LRRTM4: variants seen among roughly 807,000 people sequenced by gnomAD.
LRRTM4 encodes leucine-rich repeat transmembrane neuronal protein 4.
In LRRTM4, 25 loss-of-function variants were observed where a neutral mutation model predicts 47.6. The observed-to-expected ratio is 0.53, with a 90% CI of 0.38 to 0.73. The LOEUF (loss-of-function observed/expected upper bound fraction) is 0.73. LRRTM4 is among the 30% of genes least tolerant of loss of function. The pLI is 0.00. For synonymous variants in LRRTM4, 311 were observed against 269.5 expected, an observed-to-expected ratio of 1.15 and a Z score of -1.51; for missense variants, 638 against 713.4, an observed-to-expected ratio of 0.89 and a Z score of 1.20.
At chr2:77,013,563 A>AG (rs1329139507) in intron 3 of LRRTM4, among the ~76,000 whole-genome samples, 3 of 152,054 alleles carry the variant, frequency 2.0e-5, no homozygotes, top group African/African-American at 7.2e-5. Flanking sequence ...GAGATATCCT[A>AG]GATCTTCCAA....
intron 3 of LRRTM4, among the ~76,000 whole-genome samples, chr2:77,489,864 T>C (rs1028814424): frequency 6.6e-6 from 1 of 152,216 alleles, no homozygotes; most frequent in African/African-American, 2.4e-5. Flanking sequence ...AACTTTGGGT[T>C]CAGTCTTGCT....
chr2:76,924,224 A>AT (rs1486678859), intron 3 of LRRTM4, among the ~76,000 whole-genome samples: 1 of 152,096 alleles, frequency 6.6e-6, no homozygotes, highest in Non-Finnish European at 1.5e-5. Flanking sequence ...TAAAGCAAAA[A>AT]ATATATATAA....
chr2:77,389,008 A>G (rs1400357319), intron 3 of LRRTM4, among the ~76,000 whole-genome samples: 1 of 152,084 alleles, frequency 6.6e-6, no homozygotes, highest in South Asian at 2.1e-4. Flanking sequence ...GGATTCAGAA[A>G]GAGTTAGATG....
intron 3 of LRRTM4, among the ~76,000 whole-genome samples, chr2:76,972,412 C>CTTTTT (rs397869502): frequency 2.0e-4 from 19 of 95,248 alleles, no homozygotes; most frequent in East Asian, 6.4e-4. Flanking sequence ...TCATTGAACA[C>CTTTTT]TTTTTTTTTT....
intron 3 of LRRTM4, among the ~76,000 whole-genome samples, chr2:76,902,214 T>G (rs1467894282): frequency 6.6e-6 from 1 of 152,182 alleles, no homozygotes; most frequent in African/African-American, 2.4e-5. Flanking sequence ...CACTGTCTAT[T>G]TTTTACAGCA....
rs534505238 is a variant in LRRTM4 at position 76,896,345 on chromosome 2, A to G, written c.1552-147429T>C. Among the ~76,000 whole-genome samples, 27 of 152,220 alleles carry G rather than the reference A, an allele frequency of 1.8e-4. No homozygotes were observed. The South Asian group carries it at 2.9e-3, about 16-fold the overall frequency. ...TGCAATCAGGGCCAAAAAGTAAAAT[A>G]AGGTGAAAAAGTGCTTCAACTTGAG... On this transcript the variant is annotated intron_variant, in intron 3 of 3. Coordinates refer to ENST00000409884, the MANE Select transcript of LRRTM4 (RefSeq NM_001134745.3).
chr2:77,273,657 A>C (rs1348623900), intron 3 of LRRTM4, among the ~76,000 whole-genome samples: 1 of 152,150 alleles, frequency 6.6e-6, no homozygotes, highest in African/African-American at 2.4e-5. Context: ...ACTGTCTTCA[A>C]ATTTGATGCT....
At chr2:77,504,627 T>G (rs1678697543) in intron 3 of LRRTM4, among the ~76,000 whole-genome samples, 1 of 151,618 alleles carries the variant, frequency 6.6e-6, no homozygotes, top group Non-Finnish European at 1.5e-5. Flanking sequence ...AACAGAACGT[T>G]GAGGCATTTA....
At chr2:76,974,227 C>CAT (rs770055399) in intron 3 of LRRTM4, among the ~76,000 whole-genome samples, 14,040 of 124,856 alleles carry the variant, frequency 0.11, 1,059 homozygotes, top group Admixed American at 0.19. Flanking sequence ...TATATACATA[C>CAT]ATATATATAT....
intron 3 of LRRTM4, among the ~76,000 whole-genome samples, chr2:77,361,300 C>T (rs1672199827): frequency 6.6e-6 from 1 of 151,428 alleles, no homozygotes; most frequent in South Asian, 2.1e-4. Context: ...TAAAAGAAAA[C>T]AAACTCTGTG....
intron 3 of LRRTM4, among the ~76,000 whole-genome samples, chr2:77,407,632 ATTATT>A (rs1167418500): frequency 8.8e-5 from 12 of 135,868 alleles, no homozygotes; most frequent in African/African-American, 2.0e-4. Context: ...TATATGATAT[ATTATT>A]ATATAATATA....
chr2:77,050,804 G>A (rs1316598620), intron 3 of LRRTM4, among the ~76,000 whole-genome samples: 1 of 152,076 alleles, frequency 6.6e-6, no homozygotes, highest in East Asian at 1.9e-4. Flanking sequence ...ATAGGATTGA[G>A]TATTAGATAA....
intron 3 of LRRTM4, among the ~76,000 whole-genome samples, chr2:77,011,735 T>TATTTACCCCAA (rs1677883583): frequency 1.3e-5 from 2 of 151,862 alleles, no homozygotes; most frequent in African/African-American, 4.8e-5. Flanking sequence ...CTCTTTATAG[T>TATTTACCCCAA]TAACATTATC....
intron 3 of LRRTM4, among the ~76,000 whole-genome samples, chr2:77,151,472 T>A (rs72911876): frequency 0.066 from 10,071 of 152,188 alleles, 1,048 homozygotes; most frequent in African/African-American, 0.22. Flanking sequence ...TGGAATCAGG[T>A]TCTCAAAGAG....
intron 3 of LRRTM4, among the ~76,000 whole-genome samples, chr2:76,899,352 C>CATAT (rs10588850): frequency 1.1e-4 from 11 of 96,576 alleles, no homozygotes; most frequent in South Asian, 3.0e-4. Flanking sequence ...CACACACACA[C>CATAT]ATATATATAT....
At chr2:77,142,485 A>G (rs1672151424) in intron 3 of LRRTM4, among the ~76,000 whole-genome samples, 1 of 151,792 alleles carries the variant, frequency 6.6e-6, no homozygotes, top group African/African-American at 2.4e-5. Flanking sequence ...CTAAAGAAAA[A>G]CTTGATAGTT....
At chr2:77,370,578 G>A (rs1672622349) in intron 3 of LRRTM4, among the ~76,000 whole-genome samples, 1 of 151,608 alleles carries the variant, frequency 6.6e-6, no homozygotes, top group South Asian at 2.1e-4. Context: ...ATTTGTTTTT[G>A]AAGTTTAGAA....
intron 3 of LRRTM4, among the ~76,000 whole-genome samples, chr2:77,454,462 C>T (rs925831378): frequency 6.6e-6 from 1 of 152,112 alleles, no homozygotes; most frequent in Non-Finnish European, 1.5e-5. Context: ...ATAAGCACCT[C>T]TCAAAGTTTA....
At chr2:76,944,534 ACTGAATGTATTGTTT>A (rs1357915721) in intron 3 of LRRTM4, among the ~76,000 whole-genome samples, 1 of 152,142 alleles carries the variant, frequency 6.6e-6, no homozygotes, top group Non-Finnish European at 1.5e-5. Context: ...AATGAGTAGA[ACTGAATGTATTGTTT>A]CTGAACATGA....
Sources: gnomAD v4.1 joint callset for allele counts (sites outside exome capture counted in the v4.1 genomes callset) on GRCh38, gnomAD v4.1.1 for gene constraint, MANE v1.5 for transcripts, NCBI Gene and HGNC (gene_info 2026-07-23, HGNC 2026-07-21) for gene names.